Variants in CDH13 observed in about 807,000 individuals in gnomAD.
CDH13 encodes the protein cadherin 13.
Under a neutral mutation model 63.8 loss-of-function variants are expected in CDH13, and 24 were observed. That is an observed-to-expected ratio of 0.38 (90% confidence interval 0.27 to 0.53). CDH13 has a LOEUF of 0.53. Among genes scored for constraint, CDH13 ranks in the 20% least tolerant of loss-of-function variants. The pLI is 0.85. For missense variants in CDH13, 1,049 were observed against 903.1 expected (o/e 1.16, Z -2.07); for synonymous variants, 503 against 355.3 (o/e 1.42, Z -4.67).
intron 2 of CDH13, among the ~76,000 whole-genome samples, chr16:82,979,035 G>C (rs553151833): frequency 6.6e-6 from 1 of 152,352 alleles, no homozygotes; most frequent in East Asian, 1.9e-4. Context: ...CTAGATGTGA[G>C]ACATGAAGTC....
At chr16:83,633,650 T>C (rs190160362) in intron 8 of CDH13, among the ~76,000 whole-genome samples, 3 of 152,324 alleles carry the variant, frequency 2.0e-5, no homozygotes, top group East Asian at 1.9e-4. Flanking sequence ...TGATTGCTCA[T>C]TGGTGGAGGC....
chr16:82,857,325 G>T (rs920592842), intron 1 of CDH13, among the ~76,000 whole-genome samples: 1 of 152,094 alleles, frequency 6.6e-6, no homozygotes, highest in African/African-American at 2.4e-5. Context: ...AAATACTAAG[G>T]GCTCAAAAAT....
chr16:82,961,592 A>AC (rs1052003193), intron 2 of CDH13, among the ~76,000 whole-genome samples: 4 of 149,562 alleles, frequency 2.7e-5, no homozygotes, highest in African/African-American at 9.8e-5. Context: ...AAAAAAAAAA[A>AC]AAAACTACTG....
intron 5 of CDH13, among the ~76,000 whole-genome samples, chr16:83,319,358 G>A (rs1455679525): frequency 2.0e-5 from 3 of 152,090 alleles, no homozygotes; most frequent in Admixed American, 6.5e-5. Flanking sequence ...GTAGCATTCC[G>A]GTTTTCCTGT....
intron 2 of CDH13, among the ~76,000 whole-genome samples, chr16:82,869,546 A>G (rs2040271529): frequency 6.6e-6 from 1 of 152,218 alleles, no homozygotes; most frequent in Admixed American, 6.5e-5. Context: ...AGCAAAAAGA[A>G]CAAAATTAGA....
chr16:83,031,902 C>G, intron 2 of CDH13, 108 bp from the exon 3 acceptor site: 1 of 858,754 alleles, frequency 1.2e-6, no homozygotes, highest in Non-Finnish European at 1.8e-6. Flanking sequence ...TTTGTGAACT[C>G]TGGGTTGGGA....
At chr16:82,754,222 A>G (rs1406797690) in intron 1 of CDH13, among the ~76,000 whole-genome samples, 1 of 152,128 alleles carries the variant, frequency 6.6e-6, no homozygotes, top group South Asian at 2.1e-4. Flanking sequence ...TTTCATGTCT[A>G]TTTCTGCCCT....
At chr16:83,099,368 G>C (rs966836810) in intron 3 of CDH13, among the ~76,000 whole-genome samples, 2 of 151,890 alleles carry the variant, frequency 1.3e-5, no homozygotes, top group Admixed American at 6.6e-5. Context: ...TTGTCACCCA[G>C]GCTGGAGTGC....
chr16:83,286,336 A>T (rs75230925), intron 5 of CDH13, among the ~76,000 whole-genome samples: 63 of 152,242 alleles, frequency 4.1e-4, no homozygotes, highest in Non-Finnish European at 6.9e-4. Flanking sequence ...TGGTGAACCC[A>T]AAGAGTTCTA....
At chr16:82,812,585 C>T (rs896472577) in intron 1 of CDH13, among the ~76,000 whole-genome samples, 1 of 152,026 alleles carries the variant, frequency 6.6e-6, no homozygotes, top group African/African-American at 2.4e-5. Flanking sequence ...ACTGGAAGTT[C>T]TTCCCTGCAT....
At chr16:83,094,133 C>T (rs772348042) in intron 3 of CDH13, among the ~76,000 whole-genome samples, 12 of 152,138 alleles carry the variant, frequency 7.9e-5, no homozygotes, top group South Asian at 2.1e-4. Flanking sequence ...ACAAAATTCT[C>T]GTTGCATGGC....
At chr16:83,428,157 T>C (rs2071971706) in intron 6 of CDH13, among the ~76,000 whole-genome samples, 2 of 152,340 alleles carry the variant, frequency 1.3e-5, no homozygotes, top group African/African-American at 2.4e-5. Flanking sequence ...ACCTTTTGAC[T>C]GCTCATGTTT....
intron 10 of CDH13, among the ~76,000 whole-genome samples, chr16:83,705,485 G>A (rs529825731): frequency 2.8e-4 from 43 of 152,136 alleles, no homozygotes; most frequent in Admixed American, 7.9e-4. Flanking sequence ...AGCCGGGCAT[G>A]ATGGTGGGCG....
chr16:83,026,405 A>G (rs1915804024), intron 2 of CDH13, among the ~76,000 whole-genome samples: 1 of 152,194 alleles, frequency 6.6e-6, no homozygotes, highest in African/African-American at 2.4e-5. Context: ...CTTCTCCTGT[A>G]AAATATAATA....
At chr16:83,733,489 A>G (rs540032598) in intron 10 of CDH13, among the ~76,000 whole-genome samples, 4 of 151,872 alleles carry the variant, frequency 2.6e-5, no homozygotes, top group Admixed American at 6.6e-5. Context: ...GCCTCTAAGT[A>G]CCTCCTTGCT....
At chr16:83,508,252 G>T (rs1442452745) in intron 7 of CDH13, 2 of 154,256 alleles carry the variant, frequency 1.3e-5, no homozygotes, top group African/African-American at 2.4e-5. Flanking sequence ...TACTTCTCCT[G>T]TCCCCGGTTC....
intron 6 of CDH13, among the ~76,000 whole-genome samples, chr16:83,454,930 G>A (rs941114887): frequency 1.1e-4 from 17 of 152,040 alleles, no homozygotes; most frequent in African/African-American, 3.4e-4. Context: ...GGCTGGTCTC[G>A]AACTCCTGAC....
chr16:83,631,177 A>T (rs966256690), intron 8 of CDH13, among the ~76,000 whole-genome samples: 3 of 152,252 alleles, frequency 2.0e-5, no homozygotes, highest in African/African-American at 7.2e-5. Context: ...TAAAGGCTGC[A>T]GAATGAAGCC....
At chr16:82,863,381 C>A (rs573279892) in intron 2 of CDH13, among the ~76,000 whole-genome samples, 196 of 152,212 alleles carry the variant, frequency 1.3e-3, no homozygotes, top group Non-Finnish European at 2.4e-3. Flanking sequence ...GGAGGGACAG[C>A]ACCTACTCAT....
Sources: gnomAD v4.1 joint callset for allele counts (sites outside exome capture counted in the v4.1 genomes callset) on GRCh38, gnomAD v4.1.1 for gene constraint, MANE v1.5 for transcripts, NCBI Gene and HGNC (gene_info 2026-07-23, HGNC 2026-07-21) for gene names.